Variants in CLYBL observed in about 807,000 individuals in gnomAD.
The protein encoded by CLYBL is citramalyl-CoA lyase, mitochondrial.
In CLYBL, 31 loss-of-function variants were observed where a neutral mutation model predicts 38.9. That is an observed-to-expected ratio of 0.80 (90% CI 0.60 to 1.08). The LOEUF is 1.08. Ranked by LOEUF, CLYBL falls within the 50% of genes least tolerant of loss-of-function variation. The probability of loss-of-function intolerance (pLI) is 0.00; values close to 1 mark genes in which losing one functional copy is unlikely to be tolerated. For synonymous variants in CLYBL, 171 were observed against 158.6 expected (o/e 1.08, Z -0.59); for missense variants, 434 against 411.6 (o/e 1.05, Z -0.47).
At chr13:99,772,264 C>G (rs928894287) in intron 1 of CLYBL, among the ~76,000 whole-genome samples, 1 of 152,204 alleles carries the variant, frequency 6.6e-6, no homozygotes, top group South Asian at 2.1e-4. Context: ...CATACACCCT[C>G]CTCTTTGTCT....
Position 99,696,863 on chromosome 13 carries a change from G to A in CLYBL, c.63-75961G>A, listed in dbSNP as rs181339117. Among the ~76,000 whole-genome samples, 11 of 151,860 alleles carry A rather than the reference G, an allele frequency of 7.2e-5. No individual in the cohort carries two copies. The East Asian group carries it at 2.1e-3, about 29-fold the overall frequency. On this transcript the variant is annotated intron_variant, in intron 1 of 8. Transcript: ENST00000339105. ...AAGAAAAAGATGAAAAGAAAGATGA[G>A]AAGATAAGGAAATATCTGTAGACAG...
intron 1 of CLYBL, among the ~76,000 whole-genome samples, chr13:99,770,223 A>G (rs1350277889): frequency 1.3e-5 from 2 of 151,006 alleles, no homozygotes; most frequent in African/African-American, 4.9e-5. Context: ...AAGTAGCTGG[A>G]ATTACAGGCG....
chr13:99,803,424 G>A (rs574286777), intron 2 of CLYBL, among the ~76,000 whole-genome samples: 42 of 152,350 alleles, frequency 2.8e-4, no homozygotes, highest in African/African-American at 9.4e-4. Context: ...CATAAATGTC[G>A]TTAGTGTTTA....
intron 1 of CLYBL, among the ~76,000 whole-genome samples, chr13:99,618,370 A>C (rs1022671438): frequency 3.9e-5 from 6 of 152,004 alleles, no homozygotes; most frequent in African/African-American, 1.4e-4. Flanking sequence ...CCTGGGTTCA[A>C]GCAACTCTCC....
At chr13:99,755,073 A>C (rs1161263017) in intron 1 of CLYBL, among the ~76,000 whole-genome samples, 1 of 150,822 alleles carries the variant, frequency 6.6e-6, no homozygotes, top group East Asian at 2.0e-4. Context: ...AATTGTTTGT[A>C]TTTTTAGTAG....
At chr13:99,900,036 C>G (rs1023028036), downstream of CLYBL, among the ~76,000 whole-genome samples, 3 of 152,112 alleles carry the variant, frequency 2.0e-5, no homozygotes, top group Non-Finnish European at 4.4e-5. Context: ...AAGCAATTCT[C>G]CTGCCTCAGC....
intron 1 of CLYBL, among the ~76,000 whole-genome samples, chr13:99,666,693 T>G (rs1461094819): frequency 6.6e-6 from 1 of 151,298 alleles, no homozygotes; most frequent in Non-Finnish European, 1.5e-5. Context: ...TTTTTCATTA[T>G]GCACACATGG....
intron 1 of CLYBL, among the ~76,000 whole-genome samples, chr13:99,711,505 C>G (rs1286986717): frequency 6.9e-6 from 1 of 145,512 alleles, no homozygotes; most frequent in African/African-American, 2.5e-5. Context: ...TTCCCGGGTT[C>G]AAGCGATTCT....
intron 1 of CLYBL, among the ~76,000 whole-genome samples, chr13:99,739,407 C>A (rs1261985808): frequency 1.3e-5 from 2 of 152,148 alleles, no homozygotes; most frequent in Non-Finnish European, 2.9e-5. Flanking sequence ...GGGTCGCGTT[C>A]TGCCTACTGT....
chr13:99,744,843 A>T (rs966372683), intron 1 of CLYBL, among the ~76,000 whole-genome samples: 6 of 152,218 alleles, frequency 3.9e-5, no homozygotes, highest in Non-Finnish European at 8.8e-5. Flanking sequence ...TCTGTCTGCT[A>T]CTGGGTGCTT....
intron 1 of CLYBL, among the ~76,000 whole-genome samples, chr13:99,674,345 G>T (rs753543388): frequency 6.6e-6 from 1 of 151,342 alleles, no homozygotes; most frequent in Non-Finnish European, 1.5e-5. Flanking sequence ...AAAGACAGGG[G>T]TTCACCATGT....
chr13:99,906,539 T>G lies in CLYBL; in HGVS notation c.*160+1134T>G, dbSNP rs2052700177. Among the ~76,000 whole-genome samples the G allele has an allele frequency of 2.0e-5, 3 of 152,076 alleles. No homozygotes were observed. The South Asian group carries it at 6.2e-4, about 31-fold the overall frequency. ...CCCGGGTTCAAGCAATTCTCCTGTCTCAGCCTCCTGAGTAGCTGGGATTAC... is the reference window on the plus strand; with the variant it reads ...CCCGGGTTCAAGCAATTCTCCTGTCGCAGCCTCCTGAGTAGCTGGGATTAC... On this transcript the variant is annotated intron_variant and NMD_transcript_variant, in intron 9 of 9. Transcript: ENST00000689673.
At chr13:99,676,190 T>G (rs9585181) in intron 1 of CLYBL, among the ~76,000 whole-genome samples, 1,946 of 20,254 alleles carry the variant, frequency 0.096, 31 homozygotes, top group African/African-American at 0.13. Context: ...CCGTCCGTCC[T>G]TCCTTCCTTC....
At chr13:99,862,548 C>T (rs142317001) in intron 3 of CLYBL, among the ~76,000 whole-genome samples, 1 of 152,286 alleles carries the variant, frequency 6.6e-6, no homozygotes, top group East Asian at 1.9e-4. Context: ...ATATGGACTC[C>T]ACGTAGAAGG....
intron 2 of CLYBL, among the ~76,000 whole-genome samples, chr13:99,853,938 G>A (rs143895205): frequency 4.7e-4 from 72 of 152,276 alleles, no homozygotes; most frequent in African/African-American, 1.7e-3. Context: ...CTTCATGCCC[G>A]TGACATGACA....
chr13:99,642,895 G>A (rs1018843848), intron 1 of CLYBL, among the ~76,000 whole-genome samples: 1 of 152,064 alleles, frequency 6.6e-6, no homozygotes, highest in Non-Finnish European at 1.5e-5. Flanking sequence ...ACTAGCTACA[G>A]CTACAGGCAT....
At chr13:99,646,929 A>T (rs570538752) in intron 1 of CLYBL, among the ~76,000 whole-genome samples, 22 of 152,106 alleles carry the variant, frequency 1.4e-4, no homozygotes, top group Admixed American at 3.9e-4. Context: ...TGTGCCAGAC[A>T]CTCTTCTAGG....
At position 99,611,358 on chromosome 13, in the gene CLYBL, G is replaced by A. The variant is rs543769756; in HGVS notation, c.62+4601G>A. ...AGTCAGCCTGCATAGAGTTTTGATC[G>A]AGTGGATTTGAATTTATAAATTTTT... On this transcript the variant is annotated intron_variant, in intron 1 of 8. Coordinates refer to ENST00000339105, the MANE Select transcript of CLYBL (RefSeq NM_206808.5). 1.9e-3 allele frequency among the ~76,000 whole-genome samples: 286 copies of A among 152,224 alleles called. 1 individual carries two copies. The highest frequency in any genetic ancestry group is 5.9e-3 in the African/African-American group (245 of 41,528).
intron 1 of CLYBL, among the ~76,000 whole-genome samples, chr13:99,699,731 C>T (rs1299058389): frequency 4.7e-4 from 71 of 149,900 alleles, no homozygotes; most frequent in Middle Eastern, 3.5e-3. Context: ...CAGTGGCTCA[C>T]GCCTGTAATC....
Sources: allele counts gnomAD v4.1 joint callset (sites outside exome capture counted in the v4.1 genomes callset), GRCh38; gene constraint gnomAD v4.1.1; transcripts MANE v1.5; gene names NCBI Gene and HGNC (gene_info 2026-07-23, HGNC 2026-07-21).